Variants in AOPEP observed in about 807,000 individuals in gnomAD.
AOPEP encodes aminopeptidase O (putative), also known as aminopeptidase O.
AOPEP carries 77 observed loss-of-function variants against 98.1 expected under a neutral mutation model. The ratio of observed to expected loss-of-function variants is 0.78; its 90% CI spans 0.65 to 0.95. The LOEUF is 0.95. Among genes scored for constraint, AOPEP ranks in the 40% least tolerant of loss-of-function variants. The pLI is 0.00. For synonymous variants in AOPEP, 346 were observed against 365.3 expected (o/e 0.95, Z 0.60); for missense variants, 1,024 against 1,024.7 (o/e 1.00, Z 0.01).
intron 5 of AOPEP, among the ~76,000 whole-genome samples, chr9:94,905,277 C>T (rs1361048604): frequency 6.6e-6 from 1 of 152,168 alleles, no homozygotes; most frequent in Non-Finnish European, 1.5e-5. Context: ...ATCTCAATAA[C>T]AAGCTCAAGA....
the AOPEP span, chr9:95,111,432 C>G: frequency 8.7e-6 from 14 of 1,605,352 alleles, 1 homozygote; most frequent in South Asian, 1.5e-4. Context: ...AGAGCCCACC[C>G]CAAACACATG....
At chr9:94,975,233 T>C (rs1410956138) in intron 10 of AOPEP, among the ~76,000 whole-genome samples, 2 of 150,858 alleles carry the variant, frequency 1.3e-5, no homozygotes, top group Admixed American at 1.3e-4. Flanking sequence ...TGGGACTCTG[T>C]CTCTAATAAT....
At chr9:95,114,652 T>G in the AOPEP span, 1 of 1,614,170 alleles carries the variant, frequency 6.2e-7, no homozygotes. Flanking sequence ...CTTCAACTGC[T>G]TCTCTGAGCA....
chr9:95,029,968 C>T (rs1383190622), intron 13 of AOPEP, among the ~76,000 whole-genome samples: 3 of 152,150 alleles, frequency 2.0e-5, no homozygotes, highest in African/African-American at 4.8e-5. Context: ...ACCATTGCAG[C>T]CGTGGTATGA....
At chr9:95,060,177 G>A (rs139502094) in intron 13 of AOPEP, among the ~76,000 whole-genome samples, 79 of 152,236 alleles carry the variant, frequency 5.2e-4, no homozygotes, top group African/African-American at 1.8e-3. Context: ...TATGATTTTC[G>A]TAATGGAGGG....
At position 94,943,936 on chromosome 9, in the gene AOPEP, A is replaced by AAAAAC. The variant is rs1554778499; in HGVS notation, c.1662-11237_1662-11236insCAAAA. On this transcript the variant is annotated intron_variant, in intron 7 of 16. Transcript: ENST00000375315. ...CTCCATCTCAAAAAAAAAAAAAAAA[A>AAAAAC]AAAAAAAAAAACAGGTCAATCTAAG... is the stretch of plus-strand genomic sequence containing the variant. 3.8e-3 allele frequency among the ~76,000 whole-genome samples: 553 copies of AAAAAC among 145,532 alleles called. 8 individuals carry two copies. Among genetic ancestry groups the AAAAAC allele is most frequent in the South Asian group, 0.031 (147 of 4,726 alleles).
chr9:95,131,796 C>T, the AOPEP span, among the ~76,000 whole-genome samples: 7 of 152,104 alleles, frequency 4.6e-5, no homozygotes, highest in African/African-American at 1.2e-4. Flanking sequence ...AGAGTGAACT[C>T]TTCAGCACAA....
chr9:95,074,139 G>A (rs1416907657), intron 14 of AOPEP, among the ~76,000 whole-genome samples: 3 of 152,096 alleles, frequency 2.0e-5, no homozygotes, highest in Non-Finnish European at 2.9e-5. Flanking sequence ...TTCCTTCCAC[G>A]TGCTTTTTGG....
chr9:95,025,050 A>G (rs1207970679), intron 13 of AOPEP, among the ~76,000 whole-genome samples: 2 of 152,330 alleles, frequency 1.3e-5, no homozygotes, highest in East Asian at 1.9e-4. Context: ...ATAAAAATCA[A>G]ATCATTATAT....
intron 5 of AOPEP, among the ~76,000 whole-genome samples, chr9:94,813,063 AGG>A (rs1721259753): frequency 6.6e-6 from 1 of 152,134 alleles, no homozygotes; most frequent in African/African-American, 2.4e-5. Flanking sequence ...GTGGTTTATT[AGG>A]AATTCTCGTG....
At chr9:94,888,871 AC>A (rs1460490288) in intron 5 of AOPEP, among the ~76,000 whole-genome samples, 3 of 152,214 alleles carry the variant, frequency 2.0e-5, no homozygotes, top group African/African-American at 4.8e-5. Flanking sequence ...CTGCATGTGT[AC>A]GTGTATAGTT....
chr9:94,739,041 C>T (rs1832457173), intron 1 of AOPEP, among the ~76,000 whole-genome samples: 1 of 152,148 alleles, frequency 6.6e-6, no homozygotes, highest in Non-Finnish European at 1.5e-5. Flanking sequence ...AGGAAAGCTC[C>T]TGGGCCACTC....
intron 10 of AOPEP, among the ~76,000 whole-genome samples, chr9:94,975,491 T>G (rs1265719811): frequency 6.6e-6 from 1 of 150,814 alleles, no homozygotes. Flanking sequence ...GAACTAACCC[T>G]CTGAGTTGGC....
intron 5 of AOPEP, among the ~76,000 whole-genome samples, chr9:94,842,110 C>G (rs1381473746): frequency 6.6e-6 from 1 of 151,956 alleles, no homozygotes; most frequent in African/African-American, 2.4e-5. Context: ...ACCTGTAATC[C>G]CAGCACTTCG....
At chr9:95,026,177 T>A (rs1336199696) in intron 13 of AOPEP, among the ~76,000 whole-genome samples, 2 of 152,176 alleles carry the variant, frequency 1.3e-5, no homozygotes, top group Non-Finnish European at 2.9e-5. Flanking sequence ...TCAGCACAGG[T>A]TCTTTCTGTG....
At chr9:95,085,459 G>T in intron 16 of AOPEP, 1 of 533,306 alleles carries the variant, frequency 1.9e-6, no homozygotes, top group Non-Finnish European at 3.9e-6. Context: ...CTCTAACAAG[G>T]TGCAGAGCTT....
At chr9:95,097,924 C>T in the AOPEP span, among the ~76,000 whole-genome samples, 8 of 152,020 alleles carry the variant, frequency 5.3e-5, no homozygotes, top group South Asian at 4.2e-4. Context: ...TAGGATTTTT[C>T]GACAAAATCT....
rs560577678 is a variant in AOPEP at position 94,835,734 on chromosome 9, G to T, written c.1364+34732G>T. ...GGTTTTTCTTTTTGCTTCAGTTGAAGTGGTATCTATGCAAAATTCCAAAGA... is the reference window on the plus strand; with the variant it reads ...GGTTTTTCTTTTTGCTTCAGTTGAATTGGTATCTATGCAAAATTCCAAAGA... On this transcript the variant is annotated intron_variant, in intron 5 of 16. Transcript: ENST00000375315. Among the ~76,000 whole-genome samples, 6 of 152,316 alleles carry T rather than the reference G, an allele frequency of 3.9e-5. No homozygotes were observed. In the South Asian group the frequency reaches 8.3e-4, roughly 21 times the overall value.
chr9:94,884,339 AG>A (rs1454693096), intron 5 of AOPEP, among the ~76,000 whole-genome samples: 1 of 152,232 alleles, frequency 6.6e-6, no homozygotes, highest in Non-Finnish European at 1.5e-5. Context: ...CTACCAGCTA[AG>A]GAATGAGTTT....
Sources: gnomAD v4.1 joint callset for allele counts (sites outside exome capture counted in the v4.1 genomes callset) on GRCh38, gnomAD v4.1.1 for gene constraint, MANE v1.5 for transcripts, NCBI Gene and HGNC (gene_info 2026-07-23, HGNC 2026-07-21) for gene names.